The following XKR9 variants were observed in gnomAD, a reference collection of about 807,000 sequenced individuals.
XKR9 encodes the protein XK related 9, also known as XK-related protein 9.
Under a neutral mutation model 32.0 loss-of-function variants are expected in XKR9, and 32 were observed. That is an observed-to-expected ratio of 1.00 (90% CI 0.76 to 1.34). The LOEUF (loss-of-function observed/expected upper bound fraction) is 1.34. XKR9 is among the 40% of genes most tolerant of loss of function. The pLI, the probability that XKR9 is intolerant of heterozygous loss-of-function variation, is 0.00. For synonymous variants in XKR9, 168 were observed against 143.4 expected, an observed-to-expected ratio of 1.17 and a Z score of -1.22; for missense variants, 546 against 429.7, an observed-to-expected ratio of 1.27 and a Z score of -2.39.
chr8:70,813,138 G>T, the XKR9 span, among the ~76,000 whole-genome samples: 1 of 151,960 alleles, frequency 6.6e-6, no homozygotes, highest in Non-Finnish European at 1.5e-5. Flanking sequence ...AAATAATGCC[G>T]CATATCTACA....
At chr8:70,683,438 CTCTT>C (rs748311957) in intron 3 of XKR9, 1 of 419,212 alleles carries the variant, frequency 2.4e-6, no homozygotes, top group South Asian at 1.7e-5. Context: ...TATTTATACT[CTCTT>C]TATTTTTTAT....
intron 2 of XKR9, among the ~76,000 whole-genome samples, chr8:70,678,717 T>C (rs1307006080): frequency 6.6e-6 from 1 of 152,174 alleles, no homozygotes; most frequent in East Asian, 1.9e-4. Flanking sequence ...GCCACAACAT[T>C]CTTGACAGGA....
chr8:70,966,914 C>T, the XKR9 span, among the ~76,000 whole-genome samples: 3 of 151,946 alleles, frequency 2.0e-5, no homozygotes, highest in African/African-American at 7.3e-5. Context: ...GGTTTAAAGT[C>T]TGTTTTGTCA....
the XKR9 span, among the ~76,000 whole-genome samples, chr8:70,859,812 G>T: frequency 1.3e-5 from 2 of 152,202 alleles, no homozygotes; most frequent in East Asian, 3.9e-4. Flanking sequence ...ATAGTAGAAT[G>T]ATAGCTACCA....
chr8:70,889,998 C>T, the XKR9 span, among the ~76,000 whole-genome samples: 6 of 152,068 alleles, frequency 3.9e-5, no homozygotes, highest in African/African-American at 1.2e-4. Context: ...AATCTACAAA[C>T]TGCTTTCCAC....
chr8:70,881,264 CA>C, the XKR9 span, among the ~76,000 whole-genome samples: 8 of 152,086 alleles, frequency 5.3e-5, no homozygotes, highest in African/African-American at 1.9e-4. Context: ...CCAAAATAGA[CA>C]AATGGGATCT....
rs1586806776 is a variant in XKR9 at position 70,680,847 on chromosome 8, C to A, written c.-212C>A. The A allele has an allele frequency of 5.0e-6, 2 of 399,732 alleles. No individual in the cohort carries two copies. Among genetic ancestry groups the A allele is most frequent in the East Asian group, 4.0e-5 (1 of 24,924 alleles). The allele number at this position is 399,732 out of a possible 1,614,324, so 24.8% of individuals were successfully genotyped here. ...TGATTAAAGCCTTGTAACATTGGAC[C>A]TAGATTAGAGATTTAGAAAAGAAAG... On this transcript the variant is annotated 5_prime_UTR_variant, in exon 3 of 5. Transcript: ENST00000408926.
At chr8:71,057,334 T>G in the XKR9 span, among the ~76,000 whole-genome samples, 4 of 152,206 alleles carry the variant, frequency 2.6e-5, no homozygotes, top group Admixed American at 6.5e-5. Context: ...CATCTGCTCA[T>G]CCACTAGACT....
At chr8:70,916,883 A>G in the XKR9 span, among the ~76,000 whole-genome samples, 3 of 149,668 alleles carry the variant, frequency 2.0e-5, no homozygotes, top group Non-Finnish European at 4.5e-5. Context: ...TTTTTTTTAC[A>G]TCTTTCATGA....
chr8:70,954,526 C>T, the XKR9 span, among the ~76,000 whole-genome samples: 15 of 152,204 alleles, frequency 9.9e-5, no homozygotes, highest in Admixed American at 1.3e-4. Context: ...TTGGTATCCT[C>T]CTTTGCATTA....
intron 2 of XKR9, among the ~76,000 whole-genome samples, chr8:70,742,672 G>T (rs1291613052): frequency 1.3e-5 from 2 of 151,974 alleles, no homozygotes; most frequent in East Asian, 1.9e-4. Context: ...TGGATATAGA[G>T]TTCTGAGTTG....
chr8:70,945,139 T>G, the XKR9 span, among the ~76,000 whole-genome samples: 1 of 152,252 alleles, frequency 6.6e-6, no homozygotes, highest in Non-Finnish European at 1.5e-5. Flanking sequence ...TTTATCATTG[T>G]TAATTTGAAT....
chr8:70,696,647 G>T (rs1452135101), intron 3 of XKR9, among the ~76,000 whole-genome samples: 8 of 144,268 alleles, frequency 5.5e-5, no homozygotes, highest in African/African-American at 2.0e-4. Context: ...TTTGGCTTAG[G>T]ATTGACTCGG....
the XKR9 span, among the ~76,000 whole-genome samples, chr8:70,844,855 C>A: frequency 6.6e-6 from 1 of 152,194 alleles, no homozygotes; most frequent in Non-Finnish European, 1.5e-5. Context: ...CAAGGGATGT[C>A]CCCCCACTGC....
At chr8:70,816,290 G>A in the XKR9 span, among the ~76,000 whole-genome samples, 1 of 152,178 alleles carries the variant, frequency 6.6e-6, no homozygotes, top group African/African-American at 2.4e-5. Flanking sequence ...CTGGACAGTA[G>A]CTGGGAAGTT....
chr8:71,062,662 A>G, the XKR9 span, among the ~76,000 whole-genome samples: 1 of 151,740 alleles, frequency 6.6e-6, no homozygotes, highest in Non-Finnish European at 1.5e-5. Context: ...AAATTTCCAC[A>G]GTGGAGTTGA....
chr8:70,874,894 C>G, the XKR9 span, among the ~76,000 whole-genome samples: 2 of 152,020 alleles, frequency 1.3e-5, no homozygotes, highest in Non-Finnish European at 2.9e-5. Flanking sequence ...CCTTTTTTCC[C>G]AATAGTTCCA....
the XKR9 span, among the ~76,000 whole-genome samples, chr8:71,025,432 A>T: frequency 6.6e-6 from 1 of 152,256 alleles, no homozygotes; most frequent in African/African-American, 2.4e-5. Flanking sequence ...GAAAACAAGC[A>T]CTTGAATATT....
intron 2 of XKR9, among the ~76,000 whole-genome samples, chr8:70,771,478 G>A (rs1166644505): frequency 6.6e-6 from 1 of 151,986 alleles, no homozygotes; most frequent in Admixed American, 6.6e-5. Flanking sequence ...TATATTAATG[G>A]GGCAACAACA....
Sources: gnomAD v4.1 joint callset for allele counts (sites outside exome capture counted in the v4.1 genomes callset) on GRCh38, gnomAD v4.1.1 for gene constraint, MANE v1.5 for transcripts, NCBI Gene and HGNC (gene_info 2026-07-23, HGNC 2026-07-21) for gene names.